The following ABTB2 variants were observed in gnomAD, a reference collection of about 807,000 sequenced individuals.
The protein encoded by ABTB2 is ankyrin repeat and BTB domain containing 2.
A neutral mutation model predicts 104.1 loss-of-function variants in ABTB2; 56 were observed. The observed-to-expected ratio is 0.54, with a 90% CI of 0.43 to 0.67. The LOEUF (loss-of-function observed/expected upper bound fraction) is 0.67. Ranked by LOEUF, ABTB2 falls within the 30% of genes least tolerant of loss-of-function variation. ABTB2 has a pLI of 0.00. For missense variants in ABTB2, 1,279 were observed against 1,407.7 expected, an observed-to-expected ratio of 0.91 and a Z score of 1.46; for synonymous variants, 606 against 608.2, an observed-to-expected ratio of 1.00 and a Z score of 0.05.
In ABTB2 at chr11:34,227,530, G is replaced by A. The variant is rs1022553297; in HGVS notation, c.884-22840C>T. ...TATCAGTACTATACTTTTTGTGGGCGAATGATATTCCATTGCATGGATATA... is the reference window on the plus strand; with the variant it reads ...TATCAGTACTATACTTTTTGTGGGCAAATGATATTCCATTGCATGGATATA... On this transcript the variant is annotated intron_variant, in intron 1 of 16. Transcript: ENST00000435224. 5.9e-5 allele frequency among the ~76,000 whole-genome samples: 9 copies of A among 152,202 alleles called. No homozygotes were observed. The South Asian group carries it at 8.3e-4, about 14-fold the overall frequency.
At chr11:34,182,506 G>T (rs117989378) in intron 3 of ABTB2, among the ~76,000 whole-genome samples, 1 of 136,774 alleles carries the variant, frequency 7.3e-6, no homozygotes, top group African/African-American at 2.8e-5. Flanking sequence ...CTGGGGGGGG[G>T]GGGAAATTCA....
chr11:34,257,962 A>G (rs530384504), intron 1 of ABTB2, among the ~76,000 whole-genome samples: 2 of 152,196 alleles, frequency 1.3e-5, no homozygotes, highest in East Asian at 3.9e-4. Context: ...ATCCCTCCAA[A>G]GCACATCCCA....
intron 1 of ABTB2, among the ~76,000 whole-genome samples, chr11:34,253,269 C>T (rs1854077939): frequency 6.6e-6 from 1 of 152,228 alleles, no homozygotes; most frequent in Admixed American, 6.5e-5. Context: ...CTCTCTTCTT[C>T]CTTCAGAGTG....
chr11:34,226,173 G>T (rs924869250), intron 1 of ABTB2, among the ~76,000 whole-genome samples: 1 of 140,566 alleles, frequency 7.1e-6, no homozygotes, highest in Non-Finnish European at 1.5e-5. Context: ...CTACTCTCCA[G>T]CCTGGGTGAA....
At position 34,197,501 on chromosome 11, in the gene ABTB2, C is replaced by A. The variant is rs763085591; in HGVS notation, c.1068G>T (p.Gly356=). The A allele has an allele frequency of 6.3e-7, 1 of 1,580,930 alleles. No individual in the cohort carries two copies. Among genetic ancestry groups the A allele is most frequent in the Admixed American group, 1.8e-5 (1 of 56,842 alleles). The change falls in exon 3 of 17, where the codon GGG becomes GGT. Residue 356 remains glycine (G), a synonymous_variant. Transcript: ENST00000435224. ...TGGCACCCGGGCACAGGGGGTGACG[C>A]CCCTGCATGTGGTGCATGGCACGGG... ...LVSRAMHHMQ[G]RHPLCPGASP... is the part of the protein sequence containing the mutation.
rs142766615 is a variant in ABTB2 at position 34,264,172 on chromosome 11, C to A, written c.884-59482G>T. Among the ~76,000 whole-genome samples, 145 of 152,340 alleles carry A rather than the reference C, an allele frequency of 9.5e-4. 1 individual carries two copies. Among genetic ancestry groups the A allele is most frequent in the African/African-American group, 3.4e-3 (141 of 41,572 alleles). ...CCAAACACATCTGATCTTCTAGAAG[C>A]AGCTTGGAGGGAAGCCCTGAATAGG... On this transcript the variant is annotated intron_variant, in intron 1 of 16. Coordinates refer to ENST00000435224, the MANE Select transcript of ABTB2 (RefSeq NM_145804.3).
chr11:34,156,326 A>G (rs914558563), intron 14 of ABTB2, among the ~76,000 whole-genome samples: 2 of 152,212 alleles, frequency 1.3e-5, no homozygotes, highest in Non-Finnish European at 2.9e-5. Context: ...AGTCCCTAGC[A>G]GGATACAGGT....
intron 8 of ABTB2, 123 bp downstream of exon 8, chr11:34,165,137 T>G (rs1852780282): frequency 1.1e-6 from 1 of 945,668 alleles, no homozygotes. Context: ...GAAGGGGTTT[T>G]AAGGCCCCTG....
chr11:34,325,897 G>A (rs1855063615), intron 1 of ABTB2, among the ~76,000 whole-genome samples: 1 of 150,916 alleles, frequency 6.6e-6, no homozygotes, highest in Non-Finnish European at 1.5e-5. Context: ...GTTGCAGTAA[G>A]CTGAGATTGC....
intron 2 of ABTB2, among the ~76,000 whole-genome samples, chr11:34,202,491 G>T (rs983859114): frequency 6.6e-6 from 1 of 152,154 alleles, no homozygotes; most frequent in Admixed American, 6.5e-5. Flanking sequence ...ATTGTCGGGG[G>T]ATAGAGGGGA....
intron 1 of ABTB2, among the ~76,000 whole-genome samples, chr11:34,242,731 T>TC (rs992100087): frequency 1.1e-4 from 16 of 152,186 alleles, no homozygotes; most frequent in South Asian, 2.1e-4. Context: ...ATCTAACTAA[T>TC]CACCACAGGA....
chr11:34,348,125 C>T (rs1383962685), intron 1 of ABTB2, among the ~76,000 whole-genome samples: 2 of 152,102 alleles, frequency 1.3e-5, no homozygotes, highest in South Asian at 2.1e-4. Context: ...TTCTTCAACC[C>T]CTCACAACCC....
At chr11:34,328,026 C>T (rs1855091070) in intron 1 of ABTB2, among the ~76,000 whole-genome samples, 1 of 152,162 alleles carries the variant, frequency 6.6e-6, no homozygotes, top group African/African-American at 2.4e-5. Flanking sequence ...ATTAAGGTGG[C>T]CTCATCAGCC....
intron 1 of ABTB2, among the ~76,000 whole-genome samples, chr11:34,247,041 T>C (rs1419986724): frequency 6.6e-6 from 1 of 152,106 alleles, no homozygotes; most frequent in Admixed American, 6.6e-5. Context: ...GAGACGGGGT[T>C]TCTCCATGTT....
intron 1 of ABTB2, among the ~76,000 whole-genome samples, chr11:34,279,787 CTTTTTTTTTT>C (rs397849748): frequency 3.1e-5 from 4 of 129,564 alleles, no homozygotes; most frequent in Non-Finnish European, 6.4e-5. Flanking sequence ...CTTTCTTCTT[CTTTTTTTTTT>C]TTTTTTTTGA....
intron 1 of ABTB2, among the ~76,000 whole-genome samples, chr11:34,337,765 A>G (rs1297958826): frequency 1.3e-5 from 2 of 152,246 alleles, no homozygotes; most frequent in African/African-American, 2.4e-5. Context: ...TTCGGCAAAT[A>G]ACAACCTATA....
chr11:34,330,816 C>A (rs1855120563), intron 1 of ABTB2, among the ~76,000 whole-genome samples: 1 of 152,232 alleles, frequency 6.6e-6, no homozygotes, highest in Admixed American at 6.5e-5. Flanking sequence ...TTAAATGTTC[C>A]TCTGGAGGCC....
chr11:34,349,952 T>C (rs1010375046), intron 1 of ABTB2, among the ~76,000 whole-genome samples: 2 of 152,226 alleles, frequency 1.3e-5, no homozygotes, highest in Non-Finnish European at 1.5e-5. Context: ...CCCCGTGCTG[T>C]GCTCTCACCA....
At chr11:34,342,920 CATTTATTTATTTATTTATTTATTT>C (rs3035434) in intron 1 of ABTB2, among the ~76,000 whole-genome samples, 11 of 148,814 alleles carry the variant, frequency 7.4e-5, no homozygotes, top group South Asian at 2.2e-4. Context: ...ACTCCCATTT[CATTTATTTATTTATTTATTTATTT>C]ATTTATTTAT....
Sources: gnomAD v4.1 joint callset for allele counts (sites outside exome capture counted in the v4.1 genomes callset) on GRCh38, gnomAD v4.1.1 for gene constraint, MANE v1.5 for transcripts, NCBI Gene and HGNC (gene_info 2026-07-23, HGNC 2026-07-21) for gene names.